The following CHI3L2 variants were observed in gnomAD, a reference collection of about 807,000 sequenced individuals.
The protein encoded by CHI3L2 is chitinase 3 like 2.
In CHI3L2, 47 loss-of-function variants were observed where a neutral mutation model predicts 47.3. That is an observed-to-expected ratio of 0.99 (90% confidence interval 0.79 to 1.27). CHI3L2 has a LOEUF of 1.27. CHI3L2 is among the 50% of genes most tolerant of loss of function. The probability of loss-of-function intolerance (pLI) is 0.00; values close to 1 mark genes in which losing one functional copy is unlikely to be tolerated. For missense variants in CHI3L2, 497 were observed against 462.1 expected (o/e 1.08, Z -0.69); for synonymous variants, 198 against 169.9 (o/e 1.17, Z -1.28).
In CHI3L2 at chr1:111,242,382, G is replaced by A; in HGVS notation, c.*2+16G>A. 6.3e-7 allele frequency: 1 copy of A among 1,581,318 alleles called. No homozygotes were observed. The highest frequency in any genetic ancestry group is 8.6e-7 in the Non-Finnish European group (1 of 1,164,288). On this transcript the variant is annotated intron_variant, in intron 10 of 10. Transcript: ENST00000369748. Reference sequence around the variant, plus strand: ...CCCTGTGAAGGTAACAGTCCAGGCTGGAGCTGGGAGTGGGCAGACAGCTGG... The same window carrying A: ...CCCTGTGAAGGTAACAGTCCAGGCTAGAGCTGGGAGTGGGCAGACAGCTGG...
chr1:111,234,624 G>T (rs1041241975), intron 4 of CHI3L2, among the ~76,000 whole-genome samples: 3 of 152,212 alleles, frequency 2.0e-5, no homozygotes, highest in Admixed American at 6.5e-5. Context: ...GCTCAGAGAA[G>T]CCTACCTAAG....
At chr1:111,242,124 A>T in intron 9 of CHI3L2, 103 bp from the exon 10 acceptor site, 1 of 1,439,716 alleles carries the variant, frequency 6.9e-7, no homozygotes, top group Non-Finnish European at 9.7e-7. Context: ...CAGTTAGTCT[A>T]CTGCTGTATT....
intron 7 of CHI3L2, 23 bp downstream of exon 7, chr1:111,236,176 AG>A (rs758225233): frequency 6.2e-7 from 1 of 1,613,052 alleles, no homozygotes; most frequent in South Asian, 1.1e-5. Flanking sequence ...GGGGAACCGC[AG>A]GGGTACTGGC....
intron 3 of CHI3L2, 129 bp downstream of exon 3, chr1:111,231,072 A>T (rs1659704449): frequency 2.0e-6 from 2 of 984,250 alleles, no homozygotes; most frequent in Admixed American, 4.2e-5. Flanking sequence ...TGTATTTCTG[A>T]TCCTAACTGT....
chr1:111,230,985 A>G, intron 3 of CHI3L2, 42 bp downstream of exon 3: 1 of 1,524,520 alleles, frequency 6.6e-7, no homozygotes, highest in Non-Finnish European at 9.1e-7. Flanking sequence ...TGGATTTTAG[A>G]GGAGGGAAGC....
chr1:111,230,071 C>T (rs551977844), intron 2 of CHI3L2, among the ~76,000 whole-genome samples, 190 bp downstream of exon 2: 6 of 151,978 alleles, frequency 3.9e-5, no homozygotes, highest in Middle Eastern at 3.4e-3. Context: ...TCTTTTTGAG[C>T]CACTCTCTCT....
intron 1 of CHI3L2, among the ~76,000 whole-genome samples, chr1:111,229,295 T>C (rs1272804590): frequency 6.6e-6 from 1 of 152,128 alleles, no homozygotes; most frequent in Non-Finnish European, 1.5e-5. Context: ...GTTGGATAAA[T>C]GAATGAAAAA....
Position 111,243,358 on chromosome 1 carries a change from A to G in CHI3L2, c.*144A>G. 1 of 401,730 alleles carries G rather than the reference A, an allele frequency of 2.5e-6. No individual in the cohort carries two copies. Among genetic ancestry groups the G allele is most frequent in the Non-Finnish European group, 5.0e-6 (1 of 201,574 alleles). The allele number at this position is 401,730 out of a possible 1,614,324, so 24.9% of individuals were successfully genotyped here. On this transcript the variant is annotated 3_prime_UTR_variant, in exon 11 of 11. Transcript: ENST00000369748. ...CTTTCCTGACTTCCTCTTAGATCATAGATTGGACCTGGTTTTGTTTTCCTG... is the reference window on the plus strand; with the variant it reads ...CTTTCCTGACTTCCTCTTAGATCATGGATTGGACCTGGTTTTGTTTTCCTG...
At chr1:111,241,517 G>A (rs1213491522) in intron 9 of CHI3L2, 74 bp downstream of exon 9, 7 of 778,858 alleles carry the variant, frequency 9.0e-6, no homozygotes, top group African/African-American at 1.7e-5. Context: ...AATACTCTAT[G>A]TTCAAAGAGA....
At chr1:111,230,597 A>G (rs1293630366) in intron 2 of CHI3L2, 145 bp from the exon 3 acceptor site, 15 of 664,646 alleles carry the variant, frequency 2.3e-5, no homozygotes, top group Non-Finnish European at 3.4e-5. Context: ...AAGAGCCAGC[A>G]CTAAAGGCCC....
In CHI3L2 at chr1:111,242,270, G is replaced by A; in HGVS notation, c.1079G>A (p.Trp360Ter). 1 of 1,614,082 alleles carries A rather than the reference G, an allele frequency of 6.2e-7. No homozygotes were observed. The highest frequency in any genetic ancestry group is 8.5e-7 in the Non-Finnish European group (1 of 1,179,976). Residue 360 changes from tryptophan (W) to a stop codon, truncating the protein, a stop_gained, in exon 10 of 11, where the codon TGG becomes TAG. Coordinates refer to ENST00000369748, the MANE Select transcript of CHI3L2 (RefSeq NM_004000.3). LOFTEE classifies it high-confidence loss of function. ...KNLNLGGAMI[W>*]SIDMDDFTGK... Reference sequence around the variant, plus strand: ...TTAAACCTGGGAGGAGCCATGATCTGGTCTATTGACATGGATGACTTCACT... The same window carrying A: ...TTAAACCTGGGAGGAGCCATGATCTAGTCTATTGACATGGATGACTTCACT...
chr1:111,234,040 G>A (rs1469610748), intron 4 of CHI3L2, among the ~76,000 whole-genome samples: 4 of 149,894 alleles, frequency 2.7e-5, no homozygotes, highest in African/African-American at 7.3e-5. Context: ...AAGTACCCAG[G>A]GACACAAACA....
At chr1:111,240,456 G>A (rs1050147842) in intron 8 of CHI3L2, among the ~76,000 whole-genome samples, 1 of 152,126 alleles carries the variant, frequency 6.6e-6, no homozygotes, top group Non-Finnish European at 1.5e-5. Context: ...CTTAATATAA[G>A]GGAGAAGAGA....
Position 111,242,367 on chromosome 1 carries a change from G to T in CHI3L2, c.*2+1G>T. 6.2e-7 allele frequency: 1 copy of T among 1,602,436 alleles called. No individual in the cohort carries two copies. The highest frequency in any genetic ancestry group is 1.7e-5 in the Admixed American group (1 of 58,958). On this transcript the variant is annotated splice_donor_variant, in intron 10 of 10. Coordinates refer to ENST00000369748, the MANE Select transcript of CHI3L2 (RefSeq NM_004000.3). LOFTEE classifies it low-confidence loss of function (3UTR_SPLICE). ...AGAGAAGCCTTGGCTCCCTGTGAAG[G>T]TAACAGTCCAGGCTGGAGCTGGGAG... is the stretch of plus-strand genomic sequence containing the variant.
intron 4 of CHI3L2, among the ~76,000 whole-genome samples, chr1:111,232,192 AC>A (rs1290775369): frequency 6.6e-6 from 1 of 152,160 alleles, no homozygotes; most frequent in African/African-American, 2.4e-5. Context: ...AGGCTACCTA[AC>A]TTTTTTGGTT....
At chr1:111,232,171 GAAGA>G (rs1659742177) in intron 4 of CHI3L2, among the ~76,000 whole-genome samples, 1 of 152,174 alleles carries the variant, frequency 6.6e-6, no homozygotes, top group African/African-American at 2.4e-5. Context: ...CAGAAAGAAG[GAAGA>G]AAGATCAGGC....
rs1395073297 is a variant in CHI3L2 at position 111,235,738 on chromosome 1, A to G, written c.580A>G (p.Ser194Gly). Reference protein sequence around the residue: ...VSAGRQMIDNSYQVEKLAKDL... With the variant: ...VSAGRQMIDNGYQVEKLAKDL... ...TGCAGGGAGGCAAATGATTGATAAC[A>G]GCTATCAAGTTGAGAAACTGGCAAA... Residue 194 changes from serine to glycine, a missense_variant, in exon 6 of 11, where the codon AGC (serine) becomes GGC (glycine). By Grantham distance (56) the Ser-to-Gly change is moderately conservative (BLOSUM62 0). Transcript: ENST00000369748. 6.2e-7 allele frequency: 1 copy of G among 1,614,072 alleles called. No homozygotes were observed.
intron 4 of CHI3L2, among the ~76,000 whole-genome samples, chr1:111,234,363 T>C (rs1659816977): frequency 6.6e-6 from 1 of 151,870 alleles, no homozygotes; most frequent in African/African-American, 2.4e-5. Flanking sequence ...CTAGGGGCAA[T>C]CAGTGGATGG....
At chr1:111,235,825 A>G (rs1399463903) in intron 6 of CHI3L2, 62 bp downstream of exon 6, 1 of 1,595,928 alleles carries the variant, frequency 6.3e-7, no homozygotes, top group East Asian at 2.2e-5. Context: ...CAAATGATGC[A>G]TCAGCATGTT....
Sources: allele counts gnomAD v4.1 joint callset (sites outside exome capture counted in the v4.1 genomes callset), GRCh38; gene constraint gnomAD v4.1.1; transcripts MANE v1.5; gene names NCBI Gene and HGNC (gene_info 2026-07-23, HGNC 2026-07-21).